KIRREL3: variants seen among roughly 807,000 people sequenced by gnomAD.
KIRREL3 encodes the protein kin of IRRE-like protein 3.
KIRREL3 carries 36 observed loss-of-function variants against 89.7 expected under a neutral mutation model. That is an observed-to-expected ratio of 0.40 (90% CI 0.31 to 0.53). The LOEUF is 0.53. KIRREL3 is among the 20% of genes least tolerant of loss of function. The pLI, the probability that KIRREL3 is intolerant of heterozygous loss-of-function variation, is 0.49. For synonymous variants in KIRREL3, 445 were observed against 441.4 expected, an observed-to-expected ratio of 1.01 and a Z score of -0.10; for missense variants, 864 against 1,056.6, an observed-to-expected ratio of 0.82 and a Z score of 2.53.
chr11:126,444,979 C>T lies in KIRREL3; in HGVS notation c.1252G>A (p.Gly418Arg). 6.2e-7 allele frequency: 1 copy of T among 1,613,754 alleles called. No individual in the cohort carries two copies. The highest frequency in any genetic ancestry group is 8.5e-7 in the Non-Finnish European group (1 of 1,179,850). ...TGGCTCACCCCAGCGAGGGTCTTAC[C>T]ATTGACGGTCAGGGTCACCTCTCTC... is the stretch of plus-strand genomic sequence containing the variant. ...GEREVTLTVN[G>R]PPIISSTQTQ... Residue 418 changes from glycine (G) to arginine (R), a missense_variant and splice_region_variant, in exon 10 of 17, where the codon GGA becomes AGA. Transcript: ENST00000525144.
At position 126,606,787 on chromosome 11, in the gene KIRREL3, T is replaced by C. The variant is rs147954230; in HGVS notation, c.56-43875A>G. ...GGCCTTAAAACATCCCTAAGTGCCATACCTCTACATGCTGGCCTTCTTCTG... is the reference window on the plus strand; with the variant it reads ...GGCCTTAAAACATCCCTAAGTGCCACACCTCTACATGCTGGCCTTCTTCTG... On this transcript the variant is annotated intron_variant, in intron 1 of 16. Coordinates refer to ENST00000525144, the MANE Select transcript of KIRREL3 (RefSeq NM_032531.4). The surrounding 1 kb of genome is among the most constrained non-coding windows in gnomAD (Gnocchi z 4.6). 1.7e-3 allele frequency among the ~76,000 whole-genome samples: 260 copies of C among 152,266 alleles called. No individual in the cohort carries two copies. The highest frequency in any genetic ancestry group is 5.8e-3 in the African/African-American group (243 of 41,558).
intron 1 of KIRREL3, among the ~76,000 whole-genome samples, chr11:126,873,452 C>T (rs1592260223): frequency 6.6e-6 from 1 of 152,158 alleles, no homozygotes; most frequent in African/African-American, 2.4e-5. Context: ...GTAGAAAACA[C>T]CAATTTCACA....
Position 126,536,286 on chromosome 11 carries a change from T to C in KIRREL3, c.134-9599A>G, listed in dbSNP as rs73633784. Among the ~76,000 whole-genome samples the C allele has an allele frequency of 8.7e-3, 1,306 of 149,794 alleles. 21 individuals carry two copies. Among genetic ancestry groups the C allele is most frequent in the African/African-American group, 0.031 (1,231 of 39,494 alleles). On this transcript the variant is annotated intron_variant, in intron 2 of 16. Transcript: ENST00000525144. ...GTGTCTGTGTGTGTGTGTGTGTGTA[T>C]CGGATAGGAAGGTGGCCCAGTATCC...
chr11:126,764,846 G>T lies in KIRREL3; in HGVS notation c.56-201934C>A, dbSNP rs1949772181. 6.6e-6 allele frequency among the ~76,000 whole-genome samples: 1 copy of T among 152,150 alleles called. No individual in the cohort carries two copies. The highest frequency in any genetic ancestry group is 2.1e-4 in the South Asian group (1 of 4,828). ...GAGGGGCAGCTCTCCTTTGGACTAG[G>T]CCTTTGGCAGGAGTCCTCTACTCTC... On this transcript the variant is annotated intron_variant, in intron 1 of 16. Transcript: ENST00000525144. The surrounding 1 kb of genome is among the most constrained non-coding windows in gnomAD (Gnocchi z 4.2).
In KIRREL3 at chr11:126,766,866, T is replaced by A. The variant is rs962056246; in HGVS notation, c.56-203954A>T. Among the ~76,000 whole-genome samples, 3 of 152,224 alleles carry A rather than the reference T, an allele frequency of 2.0e-5. No individual in the cohort carries two copies. The highest frequency in any genetic ancestry group is 2.9e-5 in the Non-Finnish European group (2 of 68,042). On this transcript the variant is annotated intron_variant, in intron 1 of 16. Coordinates refer to ENST00000525144, the MANE Select transcript of KIRREL3 (RefSeq NM_032531.4). This position sits in a 1 kb window ranked among gnomAD's most constrained non-coding sequence, Gnocchi z 4.2. Reference sequence around the variant, plus strand: ...CCCTTGTGGAGGTAAGAGAAAGAGATTGCTCTGTCTTGCATAGGGGCAAAG... The same window carrying A: ...CCCTTGTGGAGGTAAGAGAAAGAGAATGCTCTGTCTTGCATAGGGGCAAAG...
rs1463424251 is a variant in KIRREL3, at chr11:126,435,459, C to A, written c.1553-156G>T. The stretch of plus-strand genomic sequence containing the variant: ...ACAGATCCAGGCTAGCCCAGCTGAA[C>A]TTGGAGTTCATTCAGGCTGACTTAG... On this transcript the variant is annotated intron_variant, in intron 12 of 16. Coordinates refer to ENST00000525144, the MANE Select transcript of KIRREL3 (RefSeq NM_032531.4). Among the ~76,000 whole-genome samples, 4 of 150,592 alleles carry A rather than the reference C, an allele frequency of 2.7e-5. No homozygotes were observed. The Admixed American group carries it at 2.7e-4, about 10-fold the overall frequency.
In KIRREL3 at chr11:126,685,340, G is replaced by A. The variant is rs909080775; in HGVS notation, c.56-122428C>T. 6.6e-6 allele frequency among the ~76,000 whole-genome samples: 1 copy of A among 152,124 alleles called. No individual in the cohort carries two copies. The highest frequency in any genetic ancestry group is 1.5e-5 in the Non-Finnish European group (1 of 68,030). ...CCAGCACTGGGTGGGTTTTGTGCAG[G>A]AGAACTTCTTGCAGGAGACTTGGAG... On this transcript the variant is annotated intron_variant, in intron 1 of 16. Transcript: ENST00000525144. This position sits in a 1 kb window ranked among gnomAD's most constrained non-coding sequence, Gnocchi z 5.5.
rs1269338227 is a variant in KIRREL3 at position 126,636,837 on chromosome 11, T to C, written c.56-73925A>G. Among the ~76,000 whole-genome samples the C allele has an allele frequency of 1.3e-5, 2 of 152,182 alleles. No homozygotes were observed. The highest frequency in any genetic ancestry group is 1.3e-4 in the Admixed American group (2 of 15,288). ...TATCCCGGTTTAACCACTTACTCTA[T>C]AGCCTTAGGCAAGGCACTTAATGCC... is the stretch of plus-strand genomic sequence containing the variant. On this transcript the variant is annotated intron_variant, in intron 1 of 16. Coordinates refer to ENST00000525144, the MANE Select transcript of KIRREL3 (RefSeq NM_032531.4). This position sits in a 1 kb window ranked among gnomAD's most constrained non-coding sequence, Gnocchi z 4.4.
rs1472906204 is a variant in KIRREL3, at chr11:126,799,404, A to ATG, written c.55+201050_55+201051insCA. ...CATGCGTGTATCTGTGTGTGCATCTATCTGTGTGTGCGTCTCTGTGTGCAT... is the reference window on the plus strand; with the variant it reads ...CATGCGTGTATCTGTGTGTGCATCTATGTCTGTGTGTGCGTCTCTGTGTGCAT... On this transcript the variant is annotated intron_variant, in intron 1 of 16. Coordinates refer to ENST00000525144, the MANE Select transcript of KIRREL3 (RefSeq NM_032531.4). Among the ~76,000 whole-genome samples, 9 of 1,042 alleles carry ATG rather than the reference A, an allele frequency of 8.6e-3. No individual in the cohort carries two copies. In the South Asian group the frequency reaches 0.25, roughly 29 times the overall value. 0.7% of individuals were successfully genotyped at this position (1,042 alleles called of 152,430 possible).
At chr11:127,002,187 G>A (rs1006431316), upstream of KIRREL3, among the ~76,000 whole-genome samples, 5 of 152,240 alleles carry the variant, frequency 3.3e-5, no homozygotes, top group African/African-American at 1.2e-4. Flanking sequence ...AAGTGTGCTA[G>A]TAGGAGCTGA....
chr11:126,859,525 A>G (rs1037673885), intron 1 of KIRREL3, among the ~76,000 whole-genome samples: 3 of 152,196 alleles, frequency 2.0e-5, no homozygotes, highest in African/African-American at 7.2e-5. Flanking sequence ...CAATAGGAGG[A>G]GGAGGAGGGG....
chr11:126,975,938 C>CCCTCCCTCCCTCCCCCCCTT (rs767405296), intron 1 of KIRREL3, among the ~76,000 whole-genome samples: 1 of 104,300 alleles, frequency 9.6e-6, no homozygotes, highest in Non-Finnish European at 1.9e-5. Flanking sequence ...CTCCCTCCCT[C>CCCTCCCTCCCTCCCCCCCTT]CCTTCCTTCC....
Position 126,802,801 on chromosome 11 carries a change from T to C in KIRREL3, c.55+197654A>G, listed in dbSNP as rs1951081324. 6.6e-6 allele frequency among the ~76,000 whole-genome samples: 1 copy of C among 152,250 alleles called. No individual in the cohort carries two copies. The highest frequency in any genetic ancestry group is 2.1e-4 in the South Asian group (1 of 4,832). On this transcript the variant is annotated intron_variant, in intron 1 of 16. Coordinates refer to ENST00000525144, the MANE Select transcript of KIRREL3 (RefSeq NM_032531.4). This position sits in a 1 kb window ranked among gnomAD's most constrained non-coding sequence, Gnocchi z 5.2. ...AACATTACGAGTATTTTGGTCTTTG[T>C]TTAGTTCAGTGATATTTCTGTGACC...
At chr11:126,777,361 C>T (rs1424602778) in intron 1 of KIRREL3, among the ~76,000 whole-genome samples, 1 of 152,122 alleles carries the variant, frequency 6.6e-6, no homozygotes, top group Non-Finnish European at 1.5e-5. Context: ...AGTGATAATT[C>T]AGGTATGAAG....
At chr11:126,698,164 C>T (rs532651670) in intron 1 of KIRREL3, among the ~76,000 whole-genome samples, 8 of 152,256 alleles carry the variant, frequency 5.3e-5, no homozygotes, top group Non-Finnish European at 7.4e-5. Flanking sequence ...TTTCAGCAAA[C>T]GCTCCCTCTC....
At chr11:126,597,245 G>C (rs1942440524) in intron 1 of KIRREL3, among the ~76,000 whole-genome samples, 1 of 152,238 alleles carries the variant, frequency 6.6e-6, no homozygotes, top group South Asian at 2.1e-4. Flanking sequence ...CTGGGCCAGA[G>C]CCCGCCTGTC....
intron 1 of KIRREL3, among the ~76,000 whole-genome samples, chr11:126,973,984 G>T (rs1333500887): frequency 6.6e-6 from 1 of 152,098 alleles, no homozygotes; most frequent in Non-Finnish European, 1.5e-5. Flanking sequence ...GGCAAGACTA[G>T]GGCTCATGTT....
chr11:126,479,087 A>G (rs373660713), intron 4 of KIRREL3, among the ~76,000 whole-genome samples: 13 of 152,262 alleles, frequency 8.5e-5, no homozygotes, highest in African/African-American at 2.9e-4. Flanking sequence ...CAGATCAGAG[A>G]CACTTGGCTG....
In KIRREL3 at chr11:126,808,991, C is replaced by T. The variant is rs901600518; in HGVS notation, c.55+191464G>A. On this transcript the variant is annotated intron_variant, in intron 1 of 16. Coordinates refer to ENST00000525144, the MANE Select transcript of KIRREL3 (RefSeq NM_032531.4). The surrounding 1 kb of genome is among the most constrained non-coding windows in gnomAD (Gnocchi z 4.1). ...TTTTCTTTCCCCCAAAAAACAAATG[C>T]AACTATTCTGTTTTCTTTGCCTTAG... 6.6e-6 allele frequency among the ~76,000 whole-genome samples: 1 copy of T among 152,092 alleles called. No individual in the cohort carries two copies. The highest frequency in any genetic ancestry group is 1.5e-5 in the Non-Finnish European group (1 of 68,006).
Sources: allele counts gnomAD v4.1 joint callset (sites outside exome capture counted in the v4.1 genomes callset), GRCh38; gene constraint gnomAD v4.1.1; non-coding constraint Gnocchi (gnomAD v3.1); transcripts MANE v1.5; gene names NCBI Gene and HGNC (gene_info 2026-07-23, HGNC 2026-07-21).